ANK1: variants seen among roughly 807,000 people sequenced by gnomAD.
ANK1 encodes ankyrin-1.
A neutral mutation model predicts 210.4 loss-of-function variants in ANK1; 51 were observed. The ratio of observed to expected loss-of-function variants is 0.24; its 90% confidence interval spans 0.19 to 0.31. ANK1 has a LOEUF of 0.31. ANK1 is among the 10% of genes least tolerant of loss of function. ANK1 has a pLI of 1.00. For synonymous variants in ANK1, 967 were observed against 1,025.9 expected (o/e 0.94, Z 1.10); for missense variants, 2,051 against 2,504.4 (o/e 0.82, Z 3.86).
intron 37 of ANK1, among the ~76,000 whole-genome samples, chr8:41,683,103 C>T (rs551945780): frequency 1.7e-3 from 258 of 151,942 alleles, no homozygotes; most frequent in African/African-American, 6.0e-3. Context: ...TGCACGCACA[C>T]ATGCACACAC....
chr8:41,684,523 T>C, intron 37 of ANK1, 21 bp downstream of exon 37: 1 of 1,612,938 alleles, frequency 6.2e-7, no homozygotes, highest in Non-Finnish European at 8.5e-7. Context: ...TCAGTCCCCA[T>C]CTGGTCCAGG....
chr8:41,773,440 T>C lies in ANK1; in HGVS notation c.28-15303A>G, dbSNP rs543586887. The stretch of plus-strand genomic sequence containing the variant: ...GGGGAGGCACAGCTGAACCTAGGAT[T>C]TTCTCTTCACACACACAGGGGTTCC... On this transcript the variant is annotated intron_variant, in intron 1 of 42. Transcript: ENST00000289734. 3.9e-5 allele frequency among the ~76,000 whole-genome samples: 6 copies of C among 152,252 alleles called. No homozygotes were observed. The East Asian group carries it at 1.2e-3, about 29-fold the overall frequency.
At position 41,694,787 on chromosome 8, in the gene ANK1, C is replaced by T. The variant is rs749340800; in HGVS notation, c.3132G>A (p.Glu1044=). The part of the protein sequence containing the change: ...NGMDEELGSL[E]ELEKKRVCRI... ...GGCACACCCTCTTCTTCTCTAGCTC[C>T]TCCAGGCTCCCCAGCTCTGGAATCA... The change falls in exon 28 of 43, where the codon GAG becomes GAA. Residue 1044 remains glutamate (E), a synonymous_variant. Transcript: ENST00000289734. The surrounding 1 kb of genome is among the most constrained non-coding windows in gnomAD (Gnocchi z 5.7). The T allele has an allele frequency of 6.2e-7, 1 of 1,614,032 alleles. No homozygotes were observed.
chr8:41,896,316 T>C (rs759105837), intron 1 of ANK1: 5 of 1,576,524 alleles, frequency 3.2e-6, no homozygotes, highest in African/African-American at 1.4e-5. Flanking sequence ...CACTTGCAGG[T>C]GCCGCGGTCG....
At chr8:41,833,661 G>A (rs1807092018) in intron 1 of ANK1, among the ~76,000 whole-genome samples, 1 of 152,222 alleles carries the variant, frequency 6.6e-6, no homozygotes, top group African/African-American at 2.4e-5. Context: ...GAGTTTGCCT[G>A]ATGAAGGGCC....
rs1813912268 is a variant in ANK1 at position 41,864,365 on chromosome 8, G to A, written c.126+31990C>T. Among the ~76,000 whole-genome samples, 2 of 151,908 alleles carry A rather than the reference G, an allele frequency of 1.3e-5. 1 individual carries two copies. The highest frequency in any genetic ancestry group is 4.2e-4 in the South Asian group (2 of 4,816). On this transcript the variant is annotated intron_variant, in intron 1 of 42. Coordinates refer to the ANK1 transcript ENST00000265709. ...TATAAGAATGTTTCTTTATTTAAAT[G>A]CCTGGGAGACTCTTTTGATTGGCCG...
chr8:41,879,199 C>T (rs1294808739), intron 1 of ANK1, among the ~76,000 whole-genome samples: 1 of 152,148 alleles, frequency 6.6e-6, no homozygotes, highest in African/African-American at 2.4e-5. Flanking sequence ...GAGCCGTGAC[C>T]TGGGGAATGT....
At chr8:41,855,265 A>C (rs1811991084) in intron 1 of ANK1, among the ~76,000 whole-genome samples, 1 of 152,246 alleles carries the variant, frequency 6.6e-6, no homozygotes, top group African/African-American at 2.4e-5. Flanking sequence ...TATGTGACCA[A>C]AGTCACCAGG....
intron 1 of ANK1, among the ~76,000 whole-genome samples, chr8:41,794,871 A>AT (rs929489783): frequency 1.3e-5 from 2 of 151,858 alleles, no homozygotes; most frequent in African/African-American, 2.4e-5. Flanking sequence ...CGCCTGGCTA[A>AT]TTTTTTTTAT....
Position 41,663,751 on chromosome 8 carries a change from AGAGAAAGG to A in ANK1, c.5395-17_5395-10del. Reference sequence around the variant, plus strand: ...TTCTGAAACTCATTCCCCTGGAATTAGAGAAAGGGAGAAAATGCAAGATTGGTGAGTGG... The same window carrying A: ...TTCTGAAACTCATTCCCCTGGAATTAGAGAAAATGCAAGATTGGTGAGTGG... On this transcript the variant is annotated splice_polypyrimidine_tract_variant and intron_variant, in intron 39 of 42. Coordinates refer to ENST00000289734, the MANE Select transcript of ANK1 (RefSeq NM_000037.4). 6.2e-7 allele frequency: 1 copy of A among 1,607,368 alleles called. No individual in the cohort carries two copies. The highest frequency in any genetic ancestry group is 2.2e-5 in the East Asian group (1 of 44,858).
At chr8:41,800,226 C>T (rs1291254644), upstream of ANK1, among the ~76,000 whole-genome samples, 1 of 152,106 alleles carries the variant, frequency 6.6e-6, no homozygotes, top group Non-Finnish European at 1.5e-5. Flanking sequence ...ATATATAGTG[C>T]TTTCCTGGTA....
At chr8:41,718,046 A>C (rs1828186112) in intron 11 of ANK1, 60 bp downstream of exon 11, 1 of 1,523,388 alleles carries the variant, frequency 6.6e-7, no homozygotes, top group Non-Finnish European at 9.1e-7. Context: ...CGACTCTTGG[A>C]GAAGGTGGGT....
At chr8:41,724,349 A>T in intron 7 of ANK1, 107 bp downstream of exon 7, 2 of 981,706 alleles carry the variant, frequency 2.0e-6, no homozygotes, top group Non-Finnish European at 3.1e-6. Context: ...AGGGCTGTTT[A>T]ACCCACAGGC....
intron 3 of ANK1, among the ~76,000 whole-genome samples, chr8:41,728,864 G>A (rs999307670): frequency 6.6e-6 from 1 of 152,214 alleles, no homozygotes; most frequent in Non-Finnish European, 1.5e-5. Context: ...ACACACACTG[G>A]AAGGCTTGTC....
At chr8:41,752,573 G>A (rs760570092) in intron 2 of ANK1, among the ~76,000 whole-genome samples, 25 of 152,030 alleles carry the variant, frequency 1.6e-4, no homozygotes, top group African/African-American at 1.4e-4. Flanking sequence ...CTCCTCCCCC[G>A]TGTTTCCACA....
chr8:41,796,839 G>A (rs1305633537), intron 1 of ANK1, among the ~76,000 whole-genome samples: 2 of 151,650 alleles, frequency 1.3e-5, no homozygotes, highest in Non-Finnish European at 2.9e-5. Flanking sequence ...GATAGGACGG[G>A]TTCTATCTAC....
chr8:41,662,673 G>A (rs1390366024), intron 40 of ANK1, among the ~76,000 whole-genome samples: 1 of 152,160 alleles, frequency 6.6e-6, no homozygotes, highest in Non-Finnish European at 1.5e-5. Flanking sequence ...CTGAGTGGGA[G>A]GTGAAACATC....
At chr8:41,871,441 A>C (rs1452959690) in intron 1 of ANK1, among the ~76,000 whole-genome samples, 3 of 152,192 alleles carry the variant, frequency 2.0e-5, no homozygotes, top group Non-Finnish European at 4.4e-5. Flanking sequence ...CCAAAGTGCC[A>C]GGATTGCAGA....
At chr8:41,761,822 C>A (rs577191329) in intron 1 of ANK1, among the ~76,000 whole-genome samples, 1 of 152,256 alleles carries the variant, frequency 6.6e-6, no homozygotes, top group South Asian at 2.1e-4. Flanking sequence ...GGTTCTCCAG[C>A]CTTCCAGACA....
Sources: gnomAD v4.1 joint callset for allele counts (sites outside exome capture counted in the v4.1 genomes callset) on GRCh38, gnomAD v4.1.1 for gene constraint, Gnocchi (gnomAD v3.1) non-coding constraint, MANE v1.5 for transcripts, NCBI Gene and HGNC (gene_info 2026-07-23, HGNC 2026-07-21) for gene names.